Variants in BICD1 observed in about 807,000 individuals in gnomAD.
The protein encoded by BICD1 is protein bicaudal D homolog 1.
BICD1 carries 35 observed loss-of-function variants against 92.5 expected under a neutral mutation model. The ratio of observed to expected loss-of-function variants is 0.38; its 90% CI spans 0.29 to 0.50. BICD1 has a LOEUF of 0.50. Ranked by LOEUF, BICD1 falls within the 20% of genes least tolerant of loss-of-function variation. The pLI is 0.93. For missense variants in BICD1, 950 were observed against 1,189.8 expected (o/e 0.80, Z 2.97); for synonymous variants, 429 against 465.1 (o/e 0.92, Z 1.00).
chr12:32,210,079 G>T (rs1043919024), intron 1 of BICD1, among the ~76,000 whole-genome samples: 12 of 151,454 alleles, frequency 7.9e-5, no homozygotes, highest in African/African-American at 2.9e-4. Context: ...TGCACCTATT[G>T]ATTTGTTTAT....
Position 32,379,620 on chromosome 12 carries a change from G to C in BICD1, c.*1993G>C, listed in dbSNP as rs1455591928. 6.6e-6 allele frequency: 1 copy of C among 152,152 alleles called. No individual in the cohort carries two copies. Among genetic ancestry groups the C allele is most frequent in the Non-Finnish European group, 1.5e-5 (1 of 68,032 alleles). 9.4% of individuals were successfully genotyped at this position (152,152 alleles called of 1,614,324 possible). A position where few individuals can be genotyped will look rare whatever the true frequency, so the allele number is the denominator to read the frequency against. Reference sequence around the variant, plus strand: ...TAGTGAGACTGTGGATTTTATCAGAGTTCAATGAAAGAAAGCTTACCCCTG... The same window carrying C: ...TAGTGAGACTGTGGATTTTATCAGACTTCAATGAAAGAAAGCTTACCCCTG... On this transcript the variant is annotated 3_prime_UTR_variant, in exon 10 of 10. Coordinates refer to ENST00000652176, the MANE Select transcript of BICD1 (RefSeq NM_001714.4).
chr12:32,235,795 G>T (rs551946458), intron 2 of BICD1, among the ~76,000 whole-genome samples: 64 of 150,872 alleles, frequency 4.2e-4, no homozygotes, highest in Non-Finnish European at 7.1e-4. Context: ...CCGCCTCCCA[G>T]GTTCAAGTGA....
intron 2 of BICD1, among the ~76,000 whole-genome samples, chr12:32,244,957 T>C (rs1181791481): frequency 6.6e-6 from 1 of 152,124 alleles, no homozygotes; most frequent in East Asian, 1.9e-4. Context: ...ATGCAAGCTC[T>C]TCTGAACCAT....
chr12:32,335,156 T>G (rs1359256789), intron 6 of BICD1, among the ~76,000 whole-genome samples: 9 of 82,162 alleles, frequency 1.1e-4, no homozygotes, highest in Non-Finnish European at 1.6e-4. Context: ...TACTTATAAT[T>G]TTTTTTTTTT....
intron 1 of BICD1, among the ~76,000 whole-genome samples, chr12:32,193,951 AC>A (rs1224466164): frequency 6.6e-6 from 1 of 152,200 alleles, no homozygotes; most frequent in African/African-American, 2.4e-5. Context: ...AAAGTTCTCA[AC>A]AAAATACCAG....
intron 8 of BICD1, among the ~76,000 whole-genome samples, chr12:32,362,054 G>A (rs1342149936): frequency 6.6e-6 from 1 of 152,174 alleles, no homozygotes; most frequent in Admixed American, 6.5e-5. Flanking sequence ...CTAAGGCATT[G>A]ACTTTTAGAA....
chr12:32,348,721 AAAATATATATATATATATATATATAT>A lies in BICD1; in HGVS notation c.2764+9744_2764+9769del, dbSNP rs1482758711. ...GAAATGATGCTTTCTAGCTCACACA[AAAATATATATATATATATATATATAT>A]ATATATATATATATATATATATATA... On this transcript the variant is annotated intron_variant, in intron 8 of 9. Transcript: ENST00000652176. 9.4e-5 allele frequency among the ~76,000 whole-genome samples: 11 copies of A among 116,482 alleles called. No individual in the cohort carries two copies. In the Admixed American group the frequency reaches 1.2e-3, roughly 12 times the overall value. The allele number at this position is 116,482 out of a possible 152,430, so 76.4% of individuals were successfully genotyped here.
intron 3 of BICD1, among the ~76,000 whole-genome samples, chr12:32,304,963 A>C (rs1948172278): frequency 1.3e-5 from 2 of 152,230 alleles, no homozygotes; most frequent in African/African-American, 4.8e-5. Flanking sequence ...TTGAGGCTGC[A>C]GTGAGCCATG....
At chr12:32,116,492 T>TTTC (rs1941910141) in intron 1 of BICD1, among the ~76,000 whole-genome samples, 7 of 123,062 alleles carry the variant, frequency 5.7e-5, no homozygotes, top group Non-Finnish European at 8.5e-5. Context: ...CTCTCTCTCT[T>TTTC]TCTCTCTCTC....
intron 8 of BICD1, among the ~76,000 whole-genome samples, chr12:32,360,308 G>A (rs1372525170): frequency 6.6e-6 from 1 of 152,154 alleles, no homozygotes; most frequent in African/African-American, 2.4e-5. Context: ...AAAGATAGAG[G>A]AAGAGGTGCC....
Position 32,294,427 on chromosome 12 carries a change from T to C in BICD1, c.579+281T>C, listed in dbSNP as rs188519872. Among the ~76,000 whole-genome samples the C allele has an allele frequency of 4.5e-4, 68 of 152,172 alleles. 2 individuals are homozygous for C. In the East Asian group the frequency reaches 8.1e-3, roughly 18 times the overall value. The stretch of plus-strand genomic sequence containing the variant: ...TCATTTATTTCATAAGTCAAATGTA[T>C]CGTAACAAATTTAACCTGACAACTT... On this transcript the variant is annotated intron_variant, in intron 3 of 9. Transcript: ENST00000652176.
At chr12:32,174,616 C>T (rs1460440682) in intron 1 of BICD1, among the ~76,000 whole-genome samples, 1 of 152,178 alleles carries the variant, frequency 6.6e-6, no homozygotes, top group African/African-American at 2.4e-5. Flanking sequence ...GAGTTGCTAT[C>T]TCTTGTCTAT....
At chr12:32,168,564 A>G (rs1276183706) in intron 1 of BICD1, among the ~76,000 whole-genome samples, 2 of 152,238 alleles carry the variant, frequency 1.3e-5, no homozygotes, top group Non-Finnish European at 2.9e-5. Context: ...TCGATCACTG[A>G]TAACATTTGT....
intron 2 of BICD1, among the ~76,000 whole-genome samples, chr12:32,266,049 TA>T (rs1395413882): frequency 1.3e-5 from 2 of 152,216 alleles, no homozygotes; most frequent in Non-Finnish European, 2.9e-5. Context: ...CAAATTTGTT[TA>T]AACTTTTAAT....
At position 32,337,679 on chromosome 12, in the gene BICD1, T is replaced by G. The variant is rs200300855; in HGVS notation, c.2433T>G (p.Leu811=). 8 of 1,613,972 alleles carry G rather than the reference T, an allele frequency of 5.0e-6. No individual in the cohort carries two copies. The highest frequency in any genetic ancestry group is 5.9e-6 in the Non-Finnish European group (7 of 1,180,010). ...AGTCCCGACGCAGCAAAGGCAAACT[T>G]GGAAAGAGCAAGATCGGCAGCCCTA... is the stretch of plus-strand genomic sequence containing the variant. ...HEQSRRSKGK[L]GKSKIGSPKV... The change falls in exon 7 of 10, where the codon CTT becomes CTG. Residue 811 remains leucine (L), a synonymous_variant. Coordinates refer to ENST00000652176, the MANE Select transcript of BICD1 (RefSeq NM_001714.4). This position sits in a 1 kb window ranked among gnomAD's most constrained non-coding sequence, Gnocchi z 4.7.
At chr12:32,286,713 A>T (rs1410220639) in intron 2 of BICD1, among the ~76,000 whole-genome samples, 1 of 152,198 alleles carries the variant, frequency 6.6e-6, no homozygotes, top group Non-Finnish European at 1.5e-5. Context: ...GGAAGCTGTC[A>T]TCCATGTAAT....
intron 1 of BICD1, among the ~76,000 whole-genome samples, chr12:32,140,220 C>T (rs1302290988): frequency 6.6e-6 from 1 of 152,164 alleles, no homozygotes; most frequent in Non-Finnish European, 1.5e-5. Flanking sequence ...AGAAGCACCA[C>T]ATTTCCCTGA....
chr12:32,266,350 G>A (rs942393461), intron 2 of BICD1, among the ~76,000 whole-genome samples: 2 of 152,104 alleles, frequency 1.3e-5, no homozygotes, highest in African/African-American at 4.8e-5. Flanking sequence ...TTATGTAACA[G>A]GGGCTTTCCT....
At position 32,133,971 on chromosome 12, in the gene BICD1, C is replaced by T. The variant is rs151144134; in HGVS notation, c.213+26427C>T. On this transcript the variant is annotated intron_variant, in intron 1 of 9. Coordinates refer to ENST00000652176, the MANE Select transcript of BICD1 (RefSeq NM_001714.4). Reference sequence around the variant, plus strand: ...TAATTTTTTGTATTTTTAGTAGAGACGGGGTTTCACTGTGTTGGCCAGGAT... The same window carrying T: ...TAATTTTTTGTATTTTTAGTAGAGATGGGGTTTCACTGTGTTGGCCAGGAT... 3.5e-3 allele frequency among the ~76,000 whole-genome samples: 531 copies of T among 152,028 alleles called. 4 individuals carry two copies. The highest frequency in any genetic ancestry group is 0.012 in the African/African-American group (498 of 41,492).
Sources: allele counts gnomAD v4.1 joint callset (sites outside exome capture counted in the v4.1 genomes callset), GRCh38; gene constraint gnomAD v4.1.1; non-coding constraint Gnocchi (gnomAD v3.1); transcripts MANE v1.5; gene names NCBI Gene and HGNC (gene_info 2026-07-23, HGNC 2026-07-21).